Variants in DLGAP2 observed in about 807,000 individuals in gnomAD.
DLGAP2 encodes disks large-associated protein 2.
In DLGAP2, 26 loss-of-function variants were observed where a neutral mutation model predicts 100.3. The observed-to-expected ratio is 0.26, with a 90% CI of 0.19 to 0.36. DLGAP2 has a LOEUF of 0.36. DLGAP2 is among the 10% of genes least tolerant of loss of function. DLGAP2 has a pLI of 1.00. For synonymous variants in DLGAP2, 886 were observed against 630.1 expected (o/e 1.41, Z -6.08); for missense variants, 1,858 against 1,453.2 (o/e 1.28, Z -4.53).
At chr8:957,373 C>T (rs1393931582) in intron 2 of DLGAP2, among the ~76,000 whole-genome samples, 1 of 152,184 alleles carries the variant, frequency 6.6e-6, no homozygotes, top group Non-Finnish European at 1.5e-5. Flanking sequence ...AGTTGTCCTT[C>T]GTTGATCTAT....
intron 6 of DLGAP2, among the ~76,000 whole-genome samples, chr8:1,585,476 G>C (rs1278397374): frequency 2.0e-5 from 3 of 152,162 alleles, no homozygotes; most frequent in African/African-American, 7.2e-5. Flanking sequence ...ATACTCCTTA[G>C]GGCTGTCAGT....
chr8:959,509 T>C (rs1799673440), intron 2 of DLGAP2, among the ~76,000 whole-genome samples: 1 of 152,230 alleles, frequency 6.6e-6, no homozygotes, highest in South Asian at 2.1e-4. Flanking sequence ...TGCTGTCTTC[T>C]GTGTCCAGGG....
intron 2 of DLGAP2, among the ~76,000 whole-genome samples, chr8:1,000,180 G>C (rs1283394676): frequency 2.0e-5 from 3 of 151,342 alleles, no homozygotes; most frequent in East Asian, 2.0e-4. Flanking sequence ...ACAGATCCGG[G>C]TGGAGGTGGT....
In DLGAP2 at chr8:810,879, AC is replaced by A. The variant is rs1796357718; in HGVS notation, c.18+73055del. On this transcript the variant is annotated intron_variant, in intron 1 of 14. Transcript: ENST00000637795. The stretch of plus-strand genomic sequence containing the variant: ...GACATGTGTTTACACGGAATTGCAA[AC>A]TTGATTAGGAGATCCTTTGTCAATG... Among the ~76,000 whole-genome samples, 3 of 152,344 alleles carry A rather than the reference AC, an allele frequency of 2.0e-5. No homozygotes were observed. The South Asian group carries it at 6.2e-4, about 32-fold the overall frequency.
At chr8:1,446,053 C>G (rs1469429120) in intron 3 of DLGAP2, among the ~76,000 whole-genome samples, 3 of 151,770 alleles carry the variant, frequency 2.0e-5, no homozygotes, top group Non-Finnish European at 4.4e-5. Flanking sequence ...CCTGTTCACT[C>G]TGATGGTAGT....
intron 6 of DLGAP2, among the ~76,000 whole-genome samples, chr8:1,575,197 T>C (rs1802915339): frequency 6.6e-6 from 1 of 152,172 alleles, no homozygotes; most frequent in Non-Finnish European, 1.5e-5. Flanking sequence ...AGAGGTTGAC[T>C]CTGTGACTTG....
intron 3 of DLGAP2, among the ~76,000 whole-genome samples, chr8:1,285,759 A>G (rs1799908947): frequency 6.6e-6 from 1 of 152,212 alleles, no homozygotes; most frequent in African/African-American, 2.4e-5. Flanking sequence ...GCTTAAGCCC[A>G]GGAGTTCAAG....
chr8:1,489,932 C>A (rs1010895327), intron 3 of DLGAP2, among the ~76,000 whole-genome samples: 2 of 152,112 alleles, frequency 1.3e-5, no homozygotes, highest in South Asian at 4.1e-4. Flanking sequence ...CACTCTGTCT[C>A]CCAGGCTGGA....
At chr8:742,956 G>C (rs973562363) in intron 1 of DLGAP2, among the ~76,000 whole-genome samples, 2 of 152,182 alleles carry the variant, frequency 1.3e-5, no homozygotes, top group Non-Finnish European at 2.9e-5. Flanking sequence ...GGAAATGCTG[G>C]ATTAGTCTTG....
At position 1,315,204 on chromosome 8, in the gene DLGAP2, T is replaced by G. The variant is rs1225756624; in HGVS notation, c.106+56321T>G. 4.6e-5 allele frequency among the ~76,000 whole-genome samples: 7 copies of G among 152,206 alleles called. No homozygotes were observed. The South Asian group carries it at 6.2e-4, about 14-fold the overall frequency. Reference sequence around the variant, plus strand: ...CCCAACACTCAAGAAACTCGGCAGCTTTTAAAAATAGAGCGTGTGCAAGTA... The same window carrying G: ...CCCAACACTCAAGAAACTCGGCAGCGTTTAAAAATAGAGCGTGTGCAAGTA... On this transcript the variant is annotated intron_variant, in intron 3 of 14. Coordinates refer to ENST00000637795, the MANE Select transcript of DLGAP2 (RefSeq NM_001346810.2).
chr8:1,636,183 G>A (rs1168368740), intron 8 of DLGAP2, among the ~76,000 whole-genome samples: 2 of 152,110 alleles, frequency 1.3e-5, no homozygotes, highest in African/African-American at 4.8e-5. Flanking sequence ...CATCTCACCC[G>A]ATTTTTCTAG....
At chr8:1,413,943 G>A (rs570420072) in intron 3 of DLGAP2, among the ~76,000 whole-genome samples, 22 of 152,158 alleles carry the variant, frequency 1.4e-4, no homozygotes, top group Admixed American at 4.6e-4. Context: ...CAAACTCATC[G>A]TAAGCTGTTC....
In DLGAP2 at chr8:1,437,346, C is replaced by T. The variant is rs545688260; in HGVS notation, c.107-64020C>T. 5.9e-5 allele frequency among the ~76,000 whole-genome samples: 9 copies of T among 152,360 alleles called. No individual in the cohort carries two copies. The East Asian group carries it at 9.6e-4, about 16-fold the overall frequency. Reference sequence around the variant, plus strand: ...GCGCTCCACAATGCTCACACAACCACGAGGCCACCTTACGTTTCTCTGAAT... The same window carrying T: ...GCGCTCCACAATGCTCACACAACCATGAGGCCACCTTACGTTTCTCTGAAT... On this transcript the variant is annotated intron_variant, in intron 3 of 14. Coordinates refer to ENST00000637795, the MANE Select transcript of DLGAP2 (RefSeq NM_001346810.2).
chr8:965,991 G>A (rs1437850117), intron 2 of DLGAP2, among the ~76,000 whole-genome samples: 1 of 152,232 alleles, frequency 6.6e-6, no homozygotes, highest in Admixed American at 6.5e-5. Flanking sequence ...TGGAGCCAGT[G>A]TAGAGGACGG....
intron 2 of DLGAP2, among the ~76,000 whole-genome samples, chr8:950,782 C>T (rs1400516599): frequency 2.6e-5 from 4 of 151,652 alleles, no homozygotes; most frequent in African/African-American, 7.3e-5. Flanking sequence ...CCACCGTGCC[C>T]GGCTAATTTT....
chr8:881,649 G>A (rs116471713), intron 1 of DLGAP2, among the ~76,000 whole-genome samples: 1,614 of 73,912 alleles, frequency 0.022, 64 homozygotes, highest in African/African-American at 0.066. Flanking sequence ...ATAGGCGCAC[G>A]CCACCACTTG....
intron 3 of DLGAP2, chr8:1,380,073 C>T (rs10107409): frequency 0.052 from 7,977 of 152,244 alleles, 479 homozygotes; most frequent in East Asian, 0.23. Flanking sequence ...GTCCTTGGGG[C>T]AGGGGCTGCC....
intron 3 of DLGAP2, among the ~76,000 whole-genome samples, chr8:1,371,146 G>A (rs1802227892): frequency 6.6e-6 from 1 of 152,346 alleles, no homozygotes; most frequent in African/African-American, 2.4e-5. Context: ...AGCTCCTCGA[G>A]GAAGAGAGTA....
intron 8 of DLGAP2, among the ~76,000 whole-genome samples, chr8:1,646,942 T>C (rs1163855186): frequency 6.6e-6 from 1 of 150,830 alleles, no homozygotes; most frequent in East Asian, 1.9e-4. Context: ...CAGAGAAGCG[T>C]CGGAAAGGCC....
Sources: gnomAD v4.1 joint callset for allele counts (sites outside exome capture counted in the v4.1 genomes callset) on GRCh38, gnomAD v4.1.1 for gene constraint, MANE v1.5 for transcripts, NCBI Gene and HGNC (gene_info 2026-07-23, HGNC 2026-07-21) for gene names.